COMMD10: variants seen among roughly 807,000 people sequenced by gnomAD.
COMMD10 encodes the protein COMM domain-containing protein 10.
Under a neutral mutation model 28.9 loss-of-function variants are expected in COMMD10, and 33 were observed. The ratio of observed to expected loss-of-function variants is 1.14; its 90% CI spans 0.87 to 1.53. COMMD10 has a LOEUF of 1.53. Among genes scored for constraint, COMMD10 ranks in the 40% most tolerant of loss-of-function variants. COMMD10 has a pLI of 0.00. For synonymous variants in COMMD10, 110 were observed against 81.7 expected (o/e 1.35, Z -1.87); for missense variants, 310 against 233.4 (o/e 1.33, Z -2.14).
chr5:116,124,008 C>A lies in COMMD10; in HGVS notation c.400-10060C>A, dbSNP rs967782161. ...AGTCTATCAATTTTGTTGATCTTTTCAAAAAACTGGTTTCTGGATTCATTG... is the reference window on the plus strand; with the variant it reads ...AGTCTATCAATTTTGTTGATCTTTTAAAAAAACTGGTTTCTGGATTCATTG... On this transcript the variant is annotated intron_variant, in intron 4 of 6. Coordinates refer to ENST00000274458, the MANE Select transcript of COMMD10 (RefSeq NM_016144.4). Among the ~76,000 whole-genome samples the A allele has an allele frequency of 2.6e-5, 4 of 151,724 alleles. No homozygotes were observed. The South Asian group carries it at 8.3e-4, about 32-fold the overall frequency.
intron 5 of COMMD10, among the ~76,000 whole-genome samples, chr5:116,243,317 T>C (rs1749861086): frequency 6.6e-6 from 1 of 152,102 alleles, no homozygotes; most frequent in Non-Finnish European, 1.5e-5. Context: ...GAAAGCCTAA[T>C]TAGGGAAAAC....
intron 4 of COMMD10, among the ~76,000 whole-genome samples, chr5:116,098,375 G>A (rs1044863707): frequency 6.6e-6 from 1 of 152,166 alleles, no homozygotes; most frequent in East Asian, 1.9e-4. Context: ...TGGGGTGCTT[G>A]CAGCAGAACA....
intron 5 of COMMD10, among the ~76,000 whole-genome samples, chr5:116,208,312 A>G (rs1025690178): frequency 6.6e-6 from 1 of 152,026 alleles, no homozygotes; most frequent in African/African-American, 2.4e-5. Context: ...TAACCTTTGG[A>G]ATACCCTCTG....
intron 4 of COMMD10, among the ~76,000 whole-genome samples, chr5:116,126,588 TG>T (rs1751650758): frequency 6.6e-6 from 1 of 151,182 alleles, no homozygotes; most frequent in Admixed American, 6.6e-5. Context: ...TATAGACCAA[TG>T]GAACAGAGTA....
chr5:116,291,431 G>C, intron 5 of COMMD10, 86 bp from the exon 6 acceptor site: 1 of 909,178 alleles, frequency 1.1e-6, no homozygotes, highest in Non-Finnish European at 1.8e-6. Flanking sequence ...ACAATCTTAT[G>C]TCATATTCTG....
intron 4 of COMMD10, among the ~76,000 whole-genome samples, chr5:116,095,603 C>T (rs1225743936): frequency 1.3e-5 from 2 of 152,012 alleles, no homozygotes; most frequent in Admixed American, 1.3e-4. Flanking sequence ...TTAACAGTAT[C>T]TTTCCCAGAA....
At chr5:116,233,087 A>G (rs1165119186) in intron 5 of COMMD10, among the ~76,000 whole-genome samples, 2 of 152,132 alleles carry the variant, frequency 1.3e-5, no homozygotes, top group African/African-American at 4.8e-5. Context: ...GCCAGGCACT[A>G]TGCTAGGTAT....
chr5:116,133,628 G>A (rs752149353), intron 4 of COMMD10, among the ~76,000 whole-genome samples: 3 of 152,212 alleles, frequency 2.0e-5, no homozygotes, highest in Admixed American at 1.3e-4. Flanking sequence ...TAGTACCTAC[G>A]CAAAGATTTT....
chr5:116,128,909 A>G (rs1014783705), intron 4 of COMMD10, among the ~76,000 whole-genome samples: 9 of 152,024 alleles, frequency 5.9e-5, no homozygotes, highest in Non-Finnish European at 1.2e-4. Context: ...CTTTTGCAGA[A>G]TATCACACCT....
intron 5 of COMMD10, among the ~76,000 whole-genome samples, chr5:116,170,834 C>T (rs1006300966): frequency 1.5e-4 from 23 of 152,004 alleles, no homozygotes; most frequent in Admixed American, 6.6e-5. Flanking sequence ...TAAAAATTAA[C>T]TCAAGATGGA....
At chr5:116,290,733 C>G (rs1561411477) in intron 5 of COMMD10, among the ~76,000 whole-genome samples, 1 of 149,862 alleles carries the variant, frequency 6.7e-6, no homozygotes, top group African/African-American at 2.5e-5. Flanking sequence ...CATTAACTTT[C>G]ACTTCTTCAG....
At chr5:116,135,411 T>TATA (rs1751997778) in intron 5 of COMMD10, among the ~76,000 whole-genome samples, 2 of 152,362 alleles carry the variant, frequency 1.3e-5, no homozygotes, top group Non-Finnish European at 2.9e-5. Flanking sequence ...GAGTCTTACA[T>TATA]ATAATGTATT....
Position 116,195,818 on chromosome 5 carries a change from C to G in COMMD10, c.510+61640C>G, listed in dbSNP as rs192480239. On this transcript the variant is annotated intron_variant, in intron 5 of 6. Transcript: ENST00000274458. ...AAAAGAAAATATAACAAATGGCCAA[C>G]AAACATATGAAAAAATGCTCAGCAT... Among the ~76,000 whole-genome samples, 548 of 152,068 alleles carry G rather than the reference C, an allele frequency of 3.6e-3. 1 individual carries two copies. Among genetic ancestry groups the G allele is most frequent in the Middle Eastern group, 6.8e-3 (2 of 294 alleles).
chr5:116,230,144 G>A (rs1227232185), intron 5 of COMMD10, among the ~76,000 whole-genome samples: 1 of 151,954 alleles, frequency 6.6e-6, no homozygotes, highest in African/African-American at 2.4e-5. Flanking sequence ...TAAAAAGTAG[G>A]TCTCAAAGAG....
intron 5 of COMMD10, among the ~76,000 whole-genome samples, chr5:116,170,144 A>T (rs1224951285): frequency 6.6e-6 from 1 of 152,212 alleles, no homozygotes; most frequent in African/African-American, 2.4e-5. Flanking sequence ...GCAAAGTCTC[A>T]GGATACAAAA....
At chr5:116,109,419 C>A (rs1382948939) in intron 4 of COMMD10, among the ~76,000 whole-genome samples, 1 of 152,130 alleles carries the variant, frequency 6.6e-6, no homozygotes, top group African/African-American at 2.4e-5. Context: ...TATGGTGAAA[C>A]ACCATCTCTA....
chr5:116,134,541 G>A (rs1450921534), intron 5 of COMMD10, among the ~76,000 whole-genome samples: 1 of 152,204 alleles, frequency 6.6e-6, no homozygotes, highest in Non-Finnish European at 1.5e-5. Flanking sequence ...CAATAAATAT[G>A]ATGGTGACCT....
At chr5:116,109,144 C>T (rs933955008) in intron 4 of COMMD10, among the ~76,000 whole-genome samples, 20 of 152,160 alleles carry the variant, frequency 1.3e-4, no homozygotes, top group African/African-American at 1.9e-4. Context: ...TCTTTTTGGC[C>T]GTCTTGCCAG....
intron 5 of COMMD10, among the ~76,000 whole-genome samples, chr5:116,234,791 G>A (rs1243822206): frequency 1.3e-5 from 2 of 152,152 alleles, no homozygotes; most frequent in Non-Finnish European, 2.9e-5. Flanking sequence ...ATTTTAAAAG[G>A]TTCTCAGAGT....
Sources: allele counts gnomAD v4.1 joint callset (sites outside exome capture counted in the v4.1 genomes callset), GRCh38; gene constraint gnomAD v4.1.1; transcripts MANE v1.5; gene names NCBI Gene and HGNC (gene_info 2026-07-23, HGNC 2026-07-21).